The following MINK1 variants were observed in gnomAD, a reference collection of about 807,000 sequenced individuals.
MINK1 encodes the protein misshapen-like kinase 1.
MINK1 carries 46 observed loss-of-function variants against 178.4 expected under a neutral mutation model. The ratio of observed to expected loss-of-function variants is 0.26; its 90% CI spans 0.20 to 0.33. MINK1 has a LOEUF of 0.33. MINK1 is among the 10% of genes least tolerant of loss of function. MINK1 has a pLI of 1.00. For missense variants in MINK1, 1,366 were observed against 1,814.9 expected (o/e 0.75, Z 4.49); for synonymous variants, 797 against 709.7 (o/e 1.12, Z -1.96).
intron 1 of MINK1, among the ~76,000 whole-genome samples, chr17:4,846,251 T>C (rs1911011356): frequency 6.6e-6 from 1 of 152,192 alleles, no homozygotes; most frequent in African/African-American, 2.4e-5. Flanking sequence ...TTCCTCACAA[T>C]AGTGTCAGAT....
At position 4,886,564 on chromosome 17, in the gene MINK1, G is replaced by C. The variant is rs1968220630; in HGVS notation, c.887G>C (p.Arg296Pro). ...FPFIRDQPTERQVRIQLKDHI... is the reference protein window; with the variant it reads ...FPFIRDQPTEPQVRIQLKDHI... ...TTCATCCGGGACCAGCCCACGGAGC[G>C]GCAGGTCCGCATCCAGCTTAAGGAC... Residue 296 changes from arginine to proline, a missense_variant, in exon 10 of 32, where the codon CGG becomes CCG. Coordinates refer to ENST00000355280, the MANE Select transcript of MINK1 (RefSeq NM_153827.5). The surrounding 1 kb of genome is among the most constrained non-coding windows in gnomAD (Gnocchi z 6.1). The C allele has an allele frequency of 1.9e-6, 3 of 1,612,872 alleles. No homozygotes were observed. The highest frequency in any genetic ancestry group is 2.5e-6 in the Non-Finnish European group (3 of 1,179,540).
chr17:4,833,420 G>T lies in MINK1; in HGVS notation c.-164G>T. ...TCCGGGGAGATAGCGCCTGTCAGTC[G>T]GTGGGTCGGTCCTCGCGCCGGCCCT... On this transcript the variant is annotated 5_prime_UTR_variant, in exon 1 of 32. Coordinates refer to ENST00000355280, the MANE Select transcript of MINK1 (RefSeq NM_153827.5). This position sits in a 1 kb window ranked among gnomAD's most constrained non-coding sequence, Gnocchi z 4.8. 1 of 559,186 alleles carries T rather than the reference G, an allele frequency of 1.8e-6. No individual in the cohort carries two copies. Among genetic ancestry groups the T allele is most frequent in the Non-Finnish European group, 3.1e-6 (1 of 322,342 alleles). 34.6% of individuals were successfully genotyped at this position (559,186 alleles called of 1,614,324 possible).
rs34697065 is a variant in MINK1 at position 4,895,334 on chromosome 17, AG to A, written c.3086-13del. 1 of 1,603,468 alleles carries A rather than the reference AG, an allele frequency of 6.2e-7. No homozygotes were observed. The highest frequency in any genetic ancestry group is 8.5e-7 in the Non-Finnish European group (1 of 1,173,564). ...CCTGGCTGAGCCTCTGACCTGCCCA[AG>A]GGCTCCTGTTGCAGGGGTCAACCTG... On this transcript the variant is annotated splice_polypyrimidine_tract_variant and intron_variant, in intron 25 of 31. Transcript: ENST00000355280. This position sits in a 1 kb window ranked among gnomAD's most constrained non-coding sequence, Gnocchi z 4.3.
In MINK1 at chr17:4,896,367, G is replaced by C. The variant is rs530408240; in HGVS notation, c.3615+25G>C. 62 of 1,603,796 alleles carry C rather than the reference G, an allele frequency of 3.9e-5. No individual in the cohort carries two copies. The South Asian group carries it at 5.5e-4, about 14-fold the overall frequency. On this transcript the variant is annotated intron_variant, in intron 29 of 31. Transcript: ENST00000355280. This position sits in a 1 kb window ranked among gnomAD's most constrained non-coding sequence, Gnocchi z 4.6. ...CGTGAGCTTGGCGGGGCTGCTGGGGGAGTGGGATGGCCCAGTCTGGGCACC... is the reference window on the plus strand; with the variant it reads ...CGTGAGCTTGGCGGGGCTGCTGGGGCAGTGGGATGGCCCAGTCTGGGCACC...
chr17:4,840,049 G>A (rs1164085450), intron 1 of MINK1, among the ~76,000 whole-genome samples: 1 of 151,590 alleles, frequency 6.6e-6, no homozygotes, highest in African/African-American at 2.4e-5. Context: ...TATAACAAGA[G>A]TTGTTTTGAG....
At chr17:4,859,166 T>C (rs1913703354) in intron 1 of MINK1, 1 of 985,368 alleles carries the variant, frequency 1.0e-6, no homozygotes. Flanking sequence ...TTGTCTCCAC[T>C]GGGCTGTTTA....
At position 4,885,694 on chromosome 17, in the gene MINK1, G is replaced by A; in HGVS notation, c.639+81G>A. On this transcript the variant is annotated intron_variant, in intron 7 of 31. Coordinates refer to ENST00000355280, the MANE Select transcript of MINK1 (RefSeq NM_153827.5). The surrounding 1 kb of genome is among the most constrained non-coding windows in gnomAD (Gnocchi z 5.0). Reference sequence around the variant, plus strand: ...GGACCACGGGGCCTGAGCAGGCTGGGGAACAGAGGAAGGTCAGATGATGTT... The same window carrying A: ...GGACCACGGGGCCTGAGCAGGCTGGAGAACAGAGGAAGGTCAGATGATGTT... 1.3e-6 allele frequency: 2 copies of A among 1,571,166 alleles called. No homozygotes were observed. Among genetic ancestry groups the A allele is most frequent in the African/African-American group, 1.3e-5 (1 of 74,148 alleles).
chr17:4,869,626 C>T (rs553088582), intron 1 of MINK1, among the ~76,000 whole-genome samples: 2 of 152,068 alleles, frequency 1.3e-5, no homozygotes, highest in East Asian at 1.9e-4. Flanking sequence ...CCCGATCTTA[C>T]GATAGTTCTG....
In MINK1 at chr17:4,893,427, C is replaced by G; in HGVS notation, c.2401-7C>G. The G allele has an allele frequency of 6.3e-7, 1 of 1,595,794 alleles. No homozygotes were observed. Among genetic ancestry groups the G allele is most frequent in the Non-Finnish European group, 8.6e-7 (1 of 1,164,986 alleles). ...CTCCCTGCCCCTCACGTGGCTCCTCCCTGCAGGACTTTGTGTTGCTGAAAG... is the reference window on the plus strand; with the variant it reads ...CTCCCTGCCCCTCACGTGGCTCCTCGCTGCAGGACTTTGTGTTGCTGAAAG... On this transcript the variant is annotated splice_region_variant and splice_polypyrimidine_tract_variant and intron_variant, in intron 20 of 31. Coordinates refer to ENST00000355280, the MANE Select transcript of MINK1 (RefSeq NM_153827.5).
Position 4,894,262 on chromosome 17 carries a change from C to T in MINK1, c.2759C>T (p.Thr920Ile). ...GTGGTCCAGCCCAGCCACTCACCCA[C>T]CGAGAACAGCAAAGGCCAAAGCCCA... ...PDVVQPSHSP[T>I]ENSKGQSPPS... Residue 920 changes from threonine (T) to isoleucine (I), a missense_variant, in exon 23 of 32, where the codon ACC (threonine) becomes ATC (isoleucine). By Grantham distance (89) the Thr-to-Ile change is moderately conservative (BLOSUM62 -1). This residue lies in a region of MINK1 where 709 missense variants were observed against 692.3 expected (regional missense o/e 1.02). Coordinates refer to ENST00000355280, the MANE Select transcript of MINK1 (RefSeq NM_153827.5). The surrounding 1 kb of genome is among the most constrained non-coding windows in gnomAD (Gnocchi z 4.1). 1.2e-6 allele frequency: 2 copies of T among 1,613,318 alleles called. No individual in the cohort carries two copies.
chr17:4,837,897 T>G (rs1409706849), intron 1 of MINK1, among the ~76,000 whole-genome samples: 5 of 152,134 alleles, frequency 3.3e-5, no homozygotes, highest in South Asian at 2.1e-4. Flanking sequence ...TGATTTTGTG[T>G]TGTTGTGTCT....
chr17:4,873,885 G>T (rs1462805992), intron 1 of MINK1, among the ~76,000 whole-genome samples: 1 of 152,030 alleles, frequency 6.6e-6, no homozygotes, highest in Non-Finnish European at 1.5e-5. Flanking sequence ...TTCCCAAAGT[G>T]CAGGGATTAC....
chr17:4,892,858 A>T, intron 19 of MINK1, 90 bp downstream of exon 19: 1 of 1,407,672 alleles, frequency 7.1e-7, no homozygotes, highest in Admixed American at 2.0e-5. Context: ...TGGGGCACCC[A>T]CACGGACAGG....
intron 1 of MINK1, among the ~76,000 whole-genome samples, chr17:4,860,167 T>G (rs1205515039): frequency 6.6e-6 from 1 of 152,046 alleles, no homozygotes; most frequent in Non-Finnish European, 1.5e-5. Context: ...GTAGCCAGAG[T>G]TCTCATCTGC....
At chr17:4,835,268 C>T (rs183942356) in intron 1 of MINK1, among the ~76,000 whole-genome samples, 2 of 152,298 alleles carry the variant, frequency 1.3e-5, no homozygotes, top group African/African-American at 2.4e-5. Context: ...ACCTTTCCTT[C>T]CTACCTTGGT....
At chr17:4,835,424 C>T (rs1351292106) in intron 1 of MINK1, among the ~76,000 whole-genome samples, 5 of 152,078 alleles carry the variant, frequency 3.3e-5, no homozygotes, top group Non-Finnish European at 5.9e-5. Flanking sequence ...GTCAGGAGTT[C>T]GGGACCAGCC....
In MINK1 at chr17:4,863,006, GC is replaced by G. The variant is rs1914407986; in HGVS notation, c.58-15309del. Among the ~76,000 whole-genome samples the G allele has an allele frequency of 3.3e-5, 5 of 152,180 alleles. No homozygotes were observed. In the South Asian group the frequency reaches 1.0e-3, roughly 32 times the overall value. On this transcript the variant is annotated intron_variant, in intron 1 of 31. Transcript: ENST00000355280. ...GCTGCAATTGCACCACTGCACTCCA[GC>G]CTGGGCAACATTGCAAGACCCTGCC...
chr17:4,871,156 C>T, intron 1 of MINK1: 2 of 232,050 alleles, frequency 8.6e-6, no homozygotes, highest in Non-Finnish European at 1.9e-5. Flanking sequence ...GTAGTTTATT[C>T]CCTTTTTTTG....
rs1968135990 is a variant in MINK1 at position 4,885,668 on chromosome 17, G to T, written c.639+55G>T. On this transcript the variant is annotated intron_variant, in intron 7 of 31. Transcript: ENST00000355280. The surrounding 1 kb of genome is among the most constrained non-coding windows in gnomAD (Gnocchi z 5.0). ...GCTGCCAAGGGCGGGAAGCAATATG[G>T]GGACCACGGGGCCTGAGCAGGCTGG... 5 of 1,606,358 alleles carry T rather than the reference G, an allele frequency of 3.1e-6. No homozygotes were observed. The African/African-American group carries it at 5.3e-5, about 17-fold the overall frequency.
Sources: gnomAD v4.1 joint callset for allele counts (sites outside exome capture counted in the v4.1 genomes callset) on GRCh38, gnomAD v4.1.1 for gene constraint, gnomAD v4.1.1 regional missense constraint, Gnocchi (gnomAD v3.1) non-coding constraint, MANE v1.5 for transcripts, NCBI Gene and HGNC (gene_info 2026-07-23, HGNC 2026-07-21) for gene names.